Variants in STAT3 observed in about 807,000 individuals in gnomAD.
The protein encoded by STAT3 is DNA-binding protein APRF.
A neutral mutation model predicts 114.3 loss-of-function variants in STAT3; 7 were observed. The ratio of observed to expected loss-of-function variants is 0.06; its 90% confidence interval spans 0.03 to 0.11. The LOEUF (loss-of-function observed/expected upper bound fraction) is 0.11, where lower values mean the gene tolerates loss of function less well. Among genes scored for constraint, STAT3 ranks in the 10% least tolerant of loss-of-function variants. The pLI is 1.00. For missense variants in STAT3, 364 were observed against 960.9 expected (o/e 0.38, Z 8.21); for synonymous variants, 331 against 354.5 (o/e 0.93, Z 0.74).
At chr17:42,371,726 A>C (rs2084155798) in intron 1 of STAT3, among the ~76,000 whole-genome samples, 1 of 150,530 alleles carries the variant, frequency 6.6e-6, no homozygotes, top group East Asian at 2.0e-4. Context: ...TCATGCCTGT[A>C]ATCCTAACAC....
At chr17:42,330,680 C>T (rs1037664110) in intron 11 of STAT3, among the ~76,000 whole-genome samples, 2 of 152,058 alleles carry the variant, frequency 1.3e-5, no homozygotes, top group South Asian at 2.1e-4. Flanking sequence ...CCGCCCGCCT[C>T]GGCCTCCCAA....
At chr17:42,328,551 G>A (rs979350282) in intron 14 of STAT3, among the ~76,000 whole-genome samples, 26 of 152,140 alleles carry the variant, frequency 1.7e-4, no homozygotes, top group African/African-American at 6.3e-4. Flanking sequence ...GGGACTACAG[G>A]CGTGCACCAC....
intron 21 of STAT3, among the ~76,000 whole-genome samples, chr17:42,321,280 T>C (rs2081471351): frequency 6.6e-6 from 1 of 151,324 alleles, no homozygotes; most frequent in African/African-American, 2.4e-5. Flanking sequence ...CCACCACACG[T>C]GGCTAATTTA....
chr17:42,331,167 GTTAA>G, intron 11 of STAT3, among the ~76,000 whole-genome samples: 1 of 152,130 alleles, frequency 6.6e-6, no homozygotes, highest in Non-Finnish European at 1.5e-5. Flanking sequence ...TATCCCAGTC[GTTAA>G]TTAACACATG....
intron 21 of STAT3, among the ~76,000 whole-genome samples, chr17:42,318,788 C>T (rs1479733144): frequency 1.3e-5 from 2 of 152,174 alleles, no homozygotes; most frequent in Non-Finnish European, 2.9e-5. Flanking sequence ...TCTTGGGCTG[C>T]CATCTGAGTT....
chr17:42,366,227 C>T (rs1446518504), intron 1 of STAT3, among the ~76,000 whole-genome samples: 2 of 152,150 alleles, frequency 1.3e-5, no homozygotes, highest in Non-Finnish European at 2.9e-5. Context: ...CAGTCTCCCC[C>T]ATTCTAGCAA....
chr17:42,315,639 AC>A lies in STAT3; in HGVS notation c.*105del, dbSNP rs2081217678. On this transcript the variant is annotated 3_prime_UTR_variant, in exon 24 of 24. Transcript: ENST00000264657. The stretch of plus-strand genomic sequence containing the variant: ...AGGAGATTAAAAAAAATCTGGAACC[AC>A]AAAGTTAGTAGTTTCAGATGATCTG... The A allele has an allele frequency of 1.6e-6, 2 of 1,236,570 alleles. No individual in the cohort carries two copies. The highest frequency in any genetic ancestry group is 1.2e-6 in the Non-Finnish European group (1 of 839,856). The allele number at this position is 1,236,570 out of a possible 1,614,324, so 76.6% of individuals were successfully genotyped here.
At chr17:42,354,618 C>T (rs932846174) in intron 1 of STAT3, among the ~76,000 whole-genome samples, 4 of 150,590 alleles carry the variant, frequency 2.7e-5, no homozygotes, top group African/African-American at 9.8e-5. Flanking sequence ...ACCAGCCTAG[C>T]CAATATAGTG....
chr17:42,337,901 T>G lies in STAT3; in HGVS notation c.551-44A>C, dbSNP rs73313660. ...CTCCTTGACCTGAGGGAATACTCCT[T>G]GACCTGAGGGAATACTCCTTGACCT... On this transcript the variant is annotated intron_variant, in intron 6 of 23. Transcript: ENST00000264657. The surrounding 1 kb of genome is among the most constrained non-coding windows in gnomAD (Gnocchi z 4.0). 2,144 of 1,465,224 alleles carry G rather than the reference T, an allele frequency of 1.5e-3. 70 individuals are homozygous for G. In the African/African-American group the frequency reaches 0.037, roughly 25 times the overall value. 90.8% of individuals were successfully genotyped at this position (1,465,224 alleles called of 1,614,324 possible). A position where few individuals can be genotyped will look rare whatever the true frequency, so the allele number is the denominator to read the frequency against.
At chr17:42,355,528 T>C (rs2083185602) in intron 1 of STAT3, among the ~76,000 whole-genome samples, 1 of 152,120 alleles carries the variant, frequency 6.6e-6, no homozygotes, top group Non-Finnish European at 1.5e-5. Flanking sequence ...AAAGGCAAGG[T>C]GGGTGTAATC....
Position 42,339,197 on chromosome 17 carries a change from AGTGAGCTGTGATCATGCCAC to A in STAT3, c.468+97_468+116del. The A allele has an allele frequency of 3.1e-6, 3 of 979,694 alleles. No individual in the cohort carries two copies. In the South Asian group the frequency reaches 4.1e-5, roughly 13 times the overall value. 60.7% of individuals were successfully genotyped at this position (979,694 alleles called of 1,614,324 possible). On this transcript the variant is annotated intron_variant, in intron 5 of 23. Coordinates refer to ENST00000264657, the MANE Select transcript of STAT3 (RefSeq NM_139276.3). ...CTTGGGCCTGAGAGGTCGAGGCTGC[AGTGAGCTGTGATCATGCCAC>A]TGCAGCCCAGCCTGAGTGGCAGAGC... is the stretch of plus-strand genomic sequence containing the variant.
chr17:42,335,628 A>G (rs979473284), intron 8 of STAT3, among the ~76,000 whole-genome samples: 2 of 152,228 alleles, frequency 1.3e-5, no homozygotes, highest in South Asian at 4.1e-4. Flanking sequence ...CCAAGAATAG[A>G]GATATTAGGC....
rs368097929 is a variant in STAT3, at chr17:42,316,935, G to A, written c.2145-34C>T. 1,412 of 1,601,372 alleles carry A rather than the reference G, an allele frequency of 8.8e-4. 4 individuals carry two copies. Among genetic ancestry groups the A allele is most frequent in the Non-Finnish European group, 8.9e-4 (1,044 of 1,173,256 alleles). On this transcript the variant is annotated intron_variant, in intron 22 of 23. Coordinates refer to ENST00000264657, the MANE Select transcript of STAT3 (RefSeq NM_139276.3). ...AATGGGGGGCAGCAGGAGGGGAAAC[G>A]GGGGGTTGACAAGACACAATGGAAA...
intron 1 of STAT3, among the ~76,000 whole-genome samples, chr17:42,355,342 T>C (rs961941014): frequency 2.6e-5 from 4 of 152,172 alleles, no homozygotes; most frequent in South Asian, 2.1e-4. Context: ...AACTACTTCA[T>C]TGAGCCCCAG....
chr17:42,343,917 T>C (rs1051979142), intron 4 of STAT3, among the ~76,000 whole-genome samples: 15 of 152,230 alleles, frequency 9.9e-5, no homozygotes, highest in African/African-American at 2.9e-4. Flanking sequence ...GAGGAAGACC[T>C]ATCTATCTGT....
At chr17:42,346,783 T>C (rs1004794519) in intron 2 of STAT3, 70 bp from the exon 3 acceptor site, 1 of 1,609,700 alleles carries the variant, frequency 6.2e-7, no homozygotes, top group Non-Finnish European at 8.5e-7. Flanking sequence ...GAAATCACCA[T>C]CAAGAAAGAG....
chr17:42,337,748 G>A lies in STAT3; in HGVS notation c.645+15C>T, dbSNP rs772535269. On this transcript the variant is annotated intron_variant, in intron 7 of 23. Coordinates refer to ENST00000264657, the MANE Select transcript of STAT3 (RefSeq NM_139276.3). This position sits in a 1 kb window ranked among gnomAD's most constrained non-coding sequence, Gnocchi z 4.0. ...GCGAGACACATGGGGGAAGTGGTCC[G>A]ACCTATGCCCTTACTCTCCGCATCT... 1.4e-5 allele frequency: 22 copies of A among 1,613,936 alleles called. No homozygotes were observed. The highest frequency in any genetic ancestry group is 1.7e-5 in the Non-Finnish European group (20 of 1,179,954).
rs397857989 is a variant in STAT3, at chr17:42,313,379, C to CAAAAAAAAAAAAA, written c.*2353_*2365dup. 1.2e-5 allele frequency: 1 copy of CAAAAAAAAAAAAA among 83,020 alleles called. No individual in the cohort carries two copies. The highest frequency in any genetic ancestry group is 6.2e-5 in the African/African-American group (1 of 16,102). 5.1% of individuals were successfully genotyped at this position (83,020 alleles called of 1,614,324 possible). On this transcript the variant is annotated 3_prime_UTR_variant, in exon 24 of 24. Transcript: ENST00000264657. ...AGTTAAAGTAGATACAGCAATATAC[C>CAAAAAAAAAAAAA]AAAAAAAAAAAAAAAAAAAAAAGAC...
At chr17:42,341,113 C>A (rs762909949) in intron 4 of STAT3, among the ~76,000 whole-genome samples, 2 of 152,158 alleles carry the variant, frequency 1.3e-5, no homozygotes, top group Non-Finnish European at 1.5e-5. Flanking sequence ...ATGTTTTAAC[C>A]TTCATTCCTT....
Sources: allele counts gnomAD v4.1 joint callset (sites outside exome capture counted in the v4.1 genomes callset), GRCh38; gene constraint gnomAD v4.1.1; non-coding constraint Gnocchi (gnomAD v3.1); transcripts MANE v1.5; gene names NCBI Gene and HGNC (gene_info 2026-07-23, HGNC 2026-07-21).